The following SEC24D variants were observed in gnomAD, a reference collection of about 807,000 sequenced individuals.
SEC24D encodes the protein protein transport protein Sec24D.
A neutral mutation model predicts 116.9 loss-of-function variants in SEC24D; 69 were observed. The observed-to-expected ratio is 0.59, with a 90% CI of 0.49 to 0.72. The LOEUF is 0.72. Ranked by LOEUF, SEC24D falls within the 30% of genes least tolerant of loss-of-function variation. The probability of loss-of-function intolerance (pLI) is 0.00; values close to 1 mark genes in which losing one functional copy is unlikely to be tolerated. For missense variants in SEC24D, 1,131 were observed against 1,264.1 expected, an observed-to-expected ratio of 0.89 and a Z score of 1.60; for synonymous variants, 405 against 442.8, an observed-to-expected ratio of 0.91 and a Z score of 1.07.
At chr4:118,798,303 T>C (rs1192569319) in intron 7 of SEC24D, among the ~76,000 whole-genome samples, 1 of 152,226 alleles carries the variant, frequency 6.6e-6, no homozygotes, top group African/African-American at 2.4e-5. Context: ...ACTATTTTTT[T>C]CTAAATTTGG....
intron 3 of SEC24D, among the ~76,000 whole-genome samples, chr4:118,818,444 G>T (rs1362000407): frequency 6.6e-6 from 1 of 152,176 alleles, no homozygotes; most frequent in Non-Finnish European, 1.5e-5. Context: ...GGTCTTCAGT[G>T]AGTGCACTAT....
chr4:118,802,367 G>A (rs1412176058), intron 7 of SEC24D, among the ~76,000 whole-genome samples: 2 of 152,186 alleles, frequency 1.3e-5, no homozygotes, highest in East Asian at 3.8e-4. Flanking sequence ...ACCTCCCTGG[G>A]CCTTATCCTT....
intron 6 of SEC24D, among the ~76,000 whole-genome samples, chr4:118,810,639 G>A (rs114794488): frequency 1.7e-4 from 26 of 152,192 alleles, no homozygotes; most frequent in Admixed American, 1.7e-3. Context: ...CAGGGCCTTA[G>A]CCTTAGAGAT....
Position 118,743,985 on chromosome 4 carries a change from T to G in SEC24D, c.1995+3A>C, listed in dbSNP as rs767244084. 1.3e-6 allele frequency: 2 copies of G among 1,593,866 alleles called. No homozygotes were observed. Among genetic ancestry groups the G allele is most frequent in the Non-Finnish European group, 1.7e-6 (2 of 1,172,072 alleles). On this transcript the variant is annotated splice_donor_region_variant and intron_variant, in intron 15 of 22. Coordinates refer to ENST00000280551, the MANE Select transcript of SEC24D (RefSeq NM_014822.4). Reference sequence around the variant, plus strand: ...CCAAGGTGAACAAATTGCTGGCATTTACCTGGAAATTGTTGTATTTGTAAA... The same window carrying G: ...CCAAGGTGAACAAATTGCTGGCATTGACCTGGAAATTGTTGTATTTGTAAA...
At chr4:118,816,688 C>T (rs1730162961) in intron 4 of SEC24D, 2 of 336,888 alleles carry the variant, frequency 5.9e-6, no homozygotes, top group East Asian at 1.1e-4. Flanking sequence ...AAACATTCTT[C>T]ATCTAGATAA....
chr4:118,793,211 T>C (rs954733697), intron 8 of SEC24D, among the ~76,000 whole-genome samples: 54 of 152,012 alleles, frequency 3.6e-4, no homozygotes, highest in African/African-American at 1.3e-3. Flanking sequence ...CTCACGCCTG[T>C]AATCCCAGCA....
intron 2 of SEC24D, among the ~76,000 whole-genome samples, chr4:118,829,727 G>A (rs144602516): frequency 4.9e-4 from 75 of 152,074 alleles, no homozygotes; most frequent in African/African-American, 1.7e-3. Context: ...CAGGAAAATC[G>A]CTTGAACCTG....
intron 19 of SEC24D, among the ~76,000 whole-genome samples, chr4:118,733,562 AT>A (rs1251271371): frequency 6.6e-6 from 1 of 152,208 alleles, no homozygotes; most frequent in East Asian, 1.9e-4. Flanking sequence ...ATAAAAAGGA[AT>A]AAGGCATAGT....
Position 118,744,092 on chromosome 4 carries a change from A to C in SEC24D, c.1891T>G (p.Ser631Ala), listed in dbSNP as rs767032021. ...LAKDCVAHGC[S>A]VTLFLFPSQY... ...CTAGGAAAGAGGAAGAGTGTCACAGAGCAGCCGTGAGCCACGCAGTCCTTG... is the reference window on the plus strand; with the variant it reads ...CTAGGAAAGAGGAAGAGTGTCACAGCGCAGCCGTGAGCCACGCAGTCCTTG... The change falls in exon 15 of 23, where the codon TCT becomes GCT. Residue 631 changes from serine to alanine, a missense_variant. Physicochemically the swap from Ser to Ala is moderately conservative, Grantham distance 99. Transcript: ENST00000280551. The C allele has an allele frequency of 9.3e-6, 15 of 1,613,552 alleles. No homozygotes were observed. The highest frequency in any genetic ancestry group is 6.7e-5 in the Admixed American group (4 of 59,992).
At chr4:118,768,658 G>C (rs1187228702) in intron 8 of SEC24D, among the ~76,000 whole-genome samples, 1 of 152,054 alleles carries the variant, frequency 6.6e-6, no homozygotes, top group African/African-American at 2.4e-5. Context: ...GCCTCCCAAA[G>C]TGCTGGGATT....
chr4:118,791,828 C>T (rs1453937170), intron 8 of SEC24D, among the ~76,000 whole-genome samples: 3 of 152,122 alleles, frequency 2.0e-5, no homozygotes, highest in Non-Finnish European at 2.9e-5. Context: ...ACTCAGCGCT[C>T]AATGTTGCCC....
In SEC24D at chr4:118,752,881, G is replaced by T; in HGVS notation, c.1429C>A (p.Gln477Lys). ...ACTCGAATTGCAGACGTCTCTTCTTGCTCTTCCCTGTAAGGAAAAAAAAAA... is the reference window on the plus strand; with the variant it reads ...ACTCGAATTGCAGACGTCTCTTCTTTCTCTTCCCTGTAAGGAAAAAAAAAA... ...TMLEKIPKEE[Q>K]EETSAIRVGF... Residue 477 changes from glutamine to lysine, a missense_variant, in exon 12 of 23, where the codon CAA becomes AAA. By Grantham distance (53) the Gln-to-Lys change is moderately conservative. Coordinates refer to ENST00000280551, the MANE Select transcript of SEC24D (RefSeq NM_014822.4). 3 of 1,555,998 alleles carry T rather than the reference G, an allele frequency of 1.9e-6. No homozygotes were observed. The highest frequency in any genetic ancestry group is 2.6e-6 in the Non-Finnish European group (3 of 1,157,736).
chr4:118,794,697 G>A (rs569251444), intron 8 of SEC24D, among the ~76,000 whole-genome samples: 2 of 152,150 alleles, frequency 1.3e-5, no homozygotes, highest in Non-Finnish European at 1.5e-5. Flanking sequence ...CTGTGGGGAT[G>A]GTTCTTGTAG....
chr4:118,727,155 ATTCCT>A (rs1221509341), intron 22 of SEC24D, among the ~76,000 whole-genome samples: 2 of 152,202 alleles, frequency 1.3e-5, no homozygotes, highest in Non-Finnish European at 2.9e-5. Context: ...TATCTCCCAG[ATTCCT>A]TTCAACTCTG....
intron 6 of SEC24D, among the ~76,000 whole-genome samples, chr4:118,808,135 A>G (rs1336942026): frequency 6.6e-6 from 1 of 152,002 alleles, no homozygotes; most frequent in Non-Finnish European, 1.5e-5. Flanking sequence ...TAATTTTTAA[A>G]TTTTTTGTAG....
chr4:118,728,426 C>T (rs1308367566), intron 22 of SEC24D, 135 bp downstream of exon 22: 3 of 602,796 alleles, frequency 5.0e-6, no homozygotes, highest in African/African-American at 3.7e-5. Context: ...GTTTTTTTAA[C>T]TTTTATTTTA....
At chr4:118,765,057 A>G in intron 9 of SEC24D, 140 bp from the exon 10 acceptor site, 1 of 572,090 alleles carries the variant, frequency 1.7e-6, no homozygotes, top group Non-Finnish European at 3.1e-6. Flanking sequence ...AGTATACCGT[A>G]AATACCTACT....
chr4:118,799,391 A>G (rs1225019988), intron 7 of SEC24D, among the ~76,000 whole-genome samples: 3 of 152,178 alleles, frequency 2.0e-5, no homozygotes, highest in African/African-American at 2.4e-5. Flanking sequence ...GACATGTCCA[A>G]TTTGGGAAAT....
At chr4:118,783,512 T>C (rs1031474864) in intron 8 of SEC24D, among the ~76,000 whole-genome samples, 1 of 152,208 alleles carries the variant, frequency 6.6e-6, no homozygotes, top group African/African-American at 2.4e-5. Flanking sequence ...ATCCAGCACA[T>C]ACTGGGAGAA....
Sources: gnomAD v4.1 joint callset for allele counts (sites outside exome capture counted in the v4.1 genomes callset) on GRCh38, gnomAD v4.1.1 for gene constraint, MANE v1.5 for transcripts, NCBI Gene and HGNC (gene_info 2026-07-23, HGNC 2026-07-21) for gene names.